The following CDH8 variants were observed in gnomAD, a reference collection of about 807,000 sequenced individuals.
CDH8 encodes cadherin-8.
Under a neutral mutation model 68.1 loss-of-function variants are expected in CDH8, and 17 were observed. The ratio of observed to expected loss-of-function variants is 0.25; its 90% CI spans 0.17 to 0.37. CDH8 has a LOEUF of 0.37. Among genes scored for constraint, CDH8 ranks in the 10% least tolerant of loss-of-function variants. The pLI, the probability that CDH8 is intolerant of heterozygous loss-of-function variation, is 1.00. For synonymous variants in CDH8, 372 were observed against 365.1 expected (o/e 1.02, Z -0.21); for missense variants, 763 against 999.3 (o/e 0.76, Z 3.19).
intron 2 of CDH8, among the ~76,000 whole-genome samples, chr16:61,914,180 GA>G: frequency 6.6e-6 from 1 of 152,270 alleles, no homozygotes; most frequent in Non-Finnish European, 1.5e-5. Context: ...CAAATCTGCT[GA>G]AACTTTGATC....
At chr16:61,741,662 G>A (rs1260785548) in intron 8 of CDH8, among the ~76,000 whole-genome samples, 3 of 151,936 alleles carry the variant, frequency 2.0e-5, no homozygotes, top group Non-Finnish European at 4.4e-5. Context: ...ATTCAGTTGA[G>A]CATTTTCTCT....
At chr16:61,735,239 G>A (rs902785317) in intron 8 of CDH8, among the ~76,000 whole-genome samples, 6 of 151,898 alleles carry the variant, frequency 4.0e-5, no homozygotes, top group Admixed American at 2.0e-4. Flanking sequence ...CTGGGGTTTC[G>A]AACTGGACAT....
intron 8 of CDH8, among the ~76,000 whole-genome samples, chr16:61,772,466 T>C (rs1960801108): frequency 6.6e-6 from 1 of 152,056 alleles, no homozygotes; most frequent in Non-Finnish European, 1.5e-5. Context: ...AAATAACTGA[T>C]GGCATTAACA....
At chr16:61,978,725 AT>A (rs1001780774) in intron 2 of CDH8, among the ~76,000 whole-genome samples, 14 of 152,102 alleles carry the variant, frequency 9.2e-5, no homozygotes, top group Non-Finnish European at 2.1e-4. Flanking sequence ...AAATTCAGAT[AT>A]TTTTGGCACA....
intron 8 of CDH8, 42 bp downstream of exon 8, chr16:61,789,304 C>T (rs770221744): frequency 6.4e-7 from 1 of 1,574,292 alleles, no homozygotes; most frequent in South Asian, 1.2e-5. Flanking sequence ...ATAAATTGAA[C>T]TCAGTCACAC....
At chr16:61,809,529 C>T (rs1028745187) in intron 7 of CDH8, among the ~76,000 whole-genome samples, 12 of 152,058 alleles carry the variant, frequency 7.9e-5, no homozygotes, top group African/African-American at 1.9e-4. Flanking sequence ...CAGCAAACCA[C>T]CATGGCACAA....
At chr16:61,772,652 G>A (rs555712208) in intron 8 of CDH8, among the ~76,000 whole-genome samples, 11 of 152,118 alleles carry the variant, frequency 7.2e-5, no homozygotes, top group African/African-American at 2.4e-4. Context: ...TTAACCAGAT[G>A]CCAATTTCTG....
chr16:61,843,802 C>T (rs111408116), intron 4 of CDH8, among the ~76,000 whole-genome samples: 165 of 152,214 alleles, frequency 1.1e-3, no homozygotes, highest in Middle Eastern at 0.01. Flanking sequence ...CCTGAGGAAT[C>T]GCCACACTGA....
chr16:61,698,002 TGCAGATA>T (rs1173521047), intron 10 of CDH8, among the ~76,000 whole-genome samples: 1 of 152,216 alleles, frequency 6.6e-6, no homozygotes, highest in Non-Finnish European at 1.5e-5. Context: ...CCCTTTACAG[TGCAGATA>T]GCTTGAGTGG....
rs186561870 is a variant in CDH8, at chr16:61,814,538, A to G, written c.1277+2941T>C. 2.0e-5 allele frequency among the ~76,000 whole-genome samples: 3 copies of G among 152,330 alleles called. No individual in the cohort carries two copies. The East Asian group carries it at 5.8e-4, about 29-fold the overall frequency. On this transcript the variant is annotated intron_variant, in intron 7 of 11. Transcript: ENST00000577390. Reference sequence around the variant, plus strand: ...AACCGCGTGAGAAGCCAACCAACCAACAAATAACTGTATGTTTTAGCATGG... The same window carrying G: ...AACCGCGTGAGAAGCCAACCAACCAGCAAATAACTGTATGTTTTAGCATGG...
intron 10 of CDH8, among the ~76,000 whole-genome samples, chr16:61,666,065 C>T (rs1963670177): frequency 6.6e-6 from 1 of 151,816 alleles, no homozygotes; most frequent in Admixed American, 6.6e-5. Context: ...CTCTCAGTCC[C>T]ACCTGGGATG....
intron 3 of CDH8, among the ~76,000 whole-genome samples, chr16:61,868,747 G>A (rs1567507574): frequency 6.6e-6 from 1 of 152,102 alleles, no homozygotes; most frequent in Non-Finnish European, 1.5e-5. Context: ...TTCAGATTAG[G>A]GGACTCAATC....
rs555564995 is a variant in CDH8 at position 61,759,767 on chromosome 16, A to G, written c.1414+29579T>C. Among the ~76,000 whole-genome samples the G allele has an allele frequency of 3.5e-3, 531 of 152,292 alleles. 5 individuals are homozygous for G. The highest frequency in any genetic ancestry group is 0.012 in the African/African-American group (510 of 41,564). On this transcript the variant is annotated intron_variant, in intron 8 of 11. Transcript: ENST00000577390. ...GTAGGAATGCAAATATTTTGTGGCC[A>G]AAGGTCAACTGTGTTTGTTTTAAAT... is the stretch of plus-strand genomic sequence containing the variant.
At chr16:61,968,514 C>T (rs900435951) in intron 2 of CDH8, among the ~76,000 whole-genome samples, 1 of 152,160 alleles carries the variant, frequency 6.6e-6, no homozygotes, top group African/African-American at 2.4e-5. Flanking sequence ...TCCTCCCTTC[C>T]CTTGTAAGCA....
At chr16:62,033,029 T>C (rs1421521836) in intron 1 of CDH8, among the ~76,000 whole-genome samples, 1 of 152,192 alleles carries the variant, frequency 6.6e-6, no homozygotes, top group East Asian at 1.9e-4. Context: ...ATAGAATCAT[T>C]ATATTCTCAT....
rs192897493 is a variant in CDH8, at chr16:61,879,658, T to G, written c.547+21521A>C. On this transcript the variant is annotated intron_variant, in intron 3 of 11. Coordinates refer to ENST00000577390, the MANE Select transcript of CDH8 (RefSeq NM_001796.5). ...GAAGTTCTTTTGCCTTTTTCCTAAC[T>G]GCAATTGAAATCTTCAGAGAGAACG... Among the ~76,000 whole-genome samples the G allele has an allele frequency of 2.6e-5, 4 of 152,290 alleles. No homozygotes were observed. The East Asian group carries it at 7.8e-4, about 30-fold the overall frequency.
chr16:61,811,356 A>G (rs1961945459), intron 7 of CDH8, among the ~76,000 whole-genome samples: 1 of 152,166 alleles, frequency 6.6e-6, no homozygotes, highest in African/African-American at 2.4e-5. Flanking sequence ...CAAATTGGGG[A>G]CAATCAAATT....
At chr16:61,942,398 G>A (rs538907949) in intron 2 of CDH8, among the ~76,000 whole-genome samples, 5 of 152,322 alleles carry the variant, frequency 3.3e-5, no homozygotes, top group African/African-American at 1.2e-4. Context: ...TCAGAAGGCT[G>A]AGATGGGAGA....
intron 2 of CDH8, among the ~76,000 whole-genome samples, chr16:62,001,905 G>A (rs552676162): frequency 6.6e-6 from 1 of 152,214 alleles, no homozygotes; most frequent in Non-Finnish European, 1.5e-5. Flanking sequence ...TGGTAGTGAT[G>A]CTGTGGTTGC....
Sources: gnomAD v4.1 joint callset for allele counts (sites outside exome capture counted in the v4.1 genomes callset) on GRCh38, gnomAD v4.1.1 for gene constraint, MANE v1.5 for transcripts, NCBI Gene and HGNC (gene_info 2026-07-23, HGNC 2026-07-21) for gene names.